The following STXBP5L variants were observed in gnomAD, a reference collection of about 807,000 sequenced individuals.
STXBP5L encodes syntaxin-binding protein 5-like.
In STXBP5L, 65 loss-of-function variants were observed where a neutral mutation model predicts 144.5. The observed-to-expected ratio is 0.45, with a 90% confidence interval of 0.37 to 0.55. The LOEUF (loss-of-function observed/expected upper bound fraction) is 0.55, where lower values mean the gene tolerates loss of function less well. Among genes scored for constraint, STXBP5L ranks in the 20% least tolerant of loss-of-function variants. STXBP5L has a pLI of 0.00. For missense variants in STXBP5L, 1,298 were observed against 1,405.5 expected (o/e 0.92, Z 1.22); for synonymous variants, 505 against 469.6 (o/e 1.08, Z -0.97).
intron 19 of STXBP5L, among the ~76,000 whole-genome samples, chr3:121,289,051 G>A (rs535633122): frequency 6.6e-6 from 1 of 152,088 alleles, no homozygotes; most frequent in South Asian, 2.1e-4. Context: ...TAAATAATCT[G>A]TACACCAAAC....
rs766195526 is a variant in STXBP5L at position 121,121,636 on chromosome 3, A to C, written c.606-5A>C. The C allele has an allele frequency of 1.9e-6, 3 of 1,591,484 alleles. No homozygotes were observed. The highest frequency in any genetic ancestry group is 8.6e-7 in the Non-Finnish European group (1 of 1,164,068). On this transcript the variant is annotated splice_region_variant and splice_polypyrimidine_tract_variant and intron_variant, in intron 6 of 26. Transcript: ENST00000471454. ...TTTAATTACTGTTTTGAATTGATTT[A>C]ACAGATCCACTAAGACTCATCCAGG...
chr3:120,941,942 C>A (rs913318225), intron 2 of STXBP5L, among the ~76,000 whole-genome samples: 2 of 151,714 alleles, frequency 1.3e-5, no homozygotes, highest in African/African-American at 4.8e-5. Context: ...TACACATATG[C>A]TCCTATAAGC....
At chr3:121,061,242 T>C (rs891112679) in intron 5 of STXBP5L, among the ~76,000 whole-genome samples, 2 of 152,238 alleles carry the variant, frequency 1.3e-5, no homozygotes, top group South Asian at 2.1e-4. Flanking sequence ...CAGTAGTCAC[T>C]CAGGAGCATG....
intron 2 of STXBP5L, among the ~76,000 whole-genome samples, chr3:120,923,446 T>C (rs920593658): frequency 2.6e-5 from 4 of 152,072 alleles, no homozygotes; most frequent in Non-Finnish European, 5.9e-5. Context: ...TTGAAGTCTT[T>C]CTGCTTTTTT....
chr3:121,018,486 A>T (rs557614923), intron 3 of STXBP5L, among the ~76,000 whole-genome samples: 1 of 151,120 alleles, frequency 6.6e-6, no homozygotes, highest in East Asian at 1.9e-4. Flanking sequence ...ATAGTCTTTG[A>T]AACAAGTGAT....
intron 20 of STXBP5L, among the ~76,000 whole-genome samples, chr3:121,377,251 A>G (rs2046210413): frequency 6.6e-6 from 1 of 152,178 alleles, no homozygotes; most frequent in Non-Finnish European, 1.5e-5. Flanking sequence ...CCTGGCCAGA[A>G]CTTCCATTCA....
intron 5 of STXBP5L, among the ~76,000 whole-genome samples, chr3:121,053,944 A>G (rs550233735): frequency 6.6e-6 from 1 of 152,298 alleles, no homozygotes; most frequent in Non-Finnish European, 1.5e-5. Context: ...ATGAACAGAC[A>G]CTTCTCAAAA....
At chr3:121,356,496 C>A (rs925877016) in intron 20 of STXBP5L, among the ~76,000 whole-genome samples, 2 of 152,240 alleles carry the variant, frequency 1.3e-5, no homozygotes, top group Admixed American at 6.5e-5. Context: ...ACCTGCTGAA[C>A]CAGGCACAGG....
chr3:121,170,440 G>A (rs530610348), intron 9 of STXBP5L, among the ~76,000 whole-genome samples: 9 of 151,962 alleles, frequency 5.9e-5, no homozygotes, highest in South Asian at 2.1e-4. Flanking sequence ...AAAATAGACC[G>A]CTAGTCAGAC....
At chr3:121,006,068 C>G (rs914419846) in intron 3 of STXBP5L, among the ~76,000 whole-genome samples, 1 of 152,122 alleles carries the variant, frequency 6.6e-6, no homozygotes, top group Non-Finnish European at 1.5e-5. Context: ...TCTGTTAGGT[C>G]TGCTTGGTGC....
At chr3:121,342,447 T>C (rs1020009227) in intron 20 of STXBP5L, among the ~76,000 whole-genome samples, 2 of 151,416 alleles carry the variant, frequency 1.3e-5, no homozygotes, top group Non-Finnish European at 2.9e-5. Flanking sequence ...GCTGCACCCA[T>C]TAACTCGTCA....
At chr3:121,051,047 T>C (rs1947940594) in intron 5 of STXBP5L, among the ~76,000 whole-genome samples, 2 of 152,180 alleles carry the variant, frequency 1.3e-5, no homozygotes, top group Non-Finnish European at 2.9e-5. Flanking sequence ...ATCCTAAATA[T>C]ATATGCACCC....
rs181032129 is a variant in STXBP5L at position 121,258,479 on chromosome 3, G to A, written c.1833-564G>A. 4.2e-3 allele frequency among the ~76,000 whole-genome samples: 647 copies of A among 152,244 alleles called. 5 individuals carry two copies. The highest frequency in any genetic ancestry group is 0.015 in the African/African-American group (617 of 41,544). On this transcript the variant is annotated intron_variant, in intron 17 of 26. Coordinates refer to ENST00000471454, the MANE Select transcript of STXBP5L (RefSeq NM_001308330.2). ...TGTACATAAAAAGAAGGAAATATGA[G>A]CAAATATTACTGGGAGGAAAATCTA...
intron 23 of STXBP5L, among the ~76,000 whole-genome samples, chr3:121,408,825 T>C (rs964726879): frequency 4.6e-5 from 7 of 151,940 alleles, no homozygotes; most frequent in Admixed American, 1.3e-4. Flanking sequence ...GGGAAACTTA[T>C]TGAATGCAAA....
chr3:121,099,175 C>G (rs1030260357), intron 5 of STXBP5L: 5 of 152,130 alleles, frequency 3.3e-5, no homozygotes, highest in Non-Finnish European at 7.4e-5. Flanking sequence ...GAGAAAAAGA[C>G]AAAGATATAA....
intron 10 of STXBP5L, among the ~76,000 whole-genome samples, chr3:121,212,989 G>A (rs2048636224): frequency 6.6e-6 from 1 of 152,146 alleles, no homozygotes; most frequent in South Asian, 2.1e-4. Context: ...GTGAATGTAA[G>A]TTCACTCACG....
chr3:121,013,928 G>A (rs766899143), intron 3 of STXBP5L, among the ~76,000 whole-genome samples: 1 of 151,896 alleles, frequency 6.6e-6, no homozygotes, highest in Admixed American at 6.6e-5. Flanking sequence ...TGTCAACTTT[G>A]TCAAAGATCA....
intron 19 of STXBP5L, among the ~76,000 whole-genome samples, chr3:121,308,357 A>C (rs2043413681): frequency 6.6e-6 from 1 of 152,340 alleles, no homozygotes; most frequent in Non-Finnish European, 1.5e-5. Flanking sequence ...AACTGAGAGA[A>C]TTTATTACTA....
At chr3:121,027,807 G>A (rs73187422) in intron 3 of STXBP5L, among the ~76,000 whole-genome samples, 5,405 of 152,076 alleles carry the variant, frequency 0.036, 144 homozygotes, top group Middle Eastern at 0.082. Flanking sequence ...AGGTTTCAGG[G>A]ATCAGGACAT....
Sources: allele counts gnomAD v4.1 joint callset (sites outside exome capture counted in the v4.1 genomes callset), GRCh38; gene constraint gnomAD v4.1.1; transcripts MANE v1.5; gene names NCBI Gene and HGNC (gene_info 2026-07-23, HGNC 2026-07-21).